The following LHX4 variants were observed in gnomAD, a reference collection of about 807,000 sequenced individuals.
The protein encoded by LHX4 is LIM/homeobox protein Lhx4.
Under a neutral mutation model 39.2 loss-of-function variants are expected in LHX4, and 16 were observed. The observed-to-expected ratio is 0.41, with a 90% CI of 0.28 to 0.62. The LOEUF is 0.62. Ranked by LOEUF, LHX4 falls within the 20% of genes least tolerant of loss-of-function variation. LHX4 has a pLI of 0.33. For missense variants in LHX4, 439 were observed against 511.9 expected, an observed-to-expected ratio of 0.86 and a Z score of 1.37; for synonymous variants, 206 against 198.1, an observed-to-expected ratio of 1.04 and a Z score of -0.33.
At chr1:180,239,819 T>G (rs1317157310) in intron 1 of LHX4, among the ~76,000 whole-genome samples, 2 of 152,176 alleles carry the variant, frequency 1.3e-5, no homozygotes, top group African/African-American at 4.8e-5. Flanking sequence ...GGAGTGCTGG[T>G]GGTCTTAAGG....
At chr1:180,254,995 T>C (rs1005433469) in intron 2 of LHX4, among the ~76,000 whole-genome samples, 1 of 152,152 alleles carries the variant, frequency 6.6e-6, no homozygotes, top group African/African-American at 2.4e-5. Flanking sequence ...GGTCAGGGGA[T>C]TGAACAAAGG....
chr1:180,262,078 T>C (rs1446016866), intron 2 of LHX4, among the ~76,000 whole-genome samples: 1 of 152,182 alleles, frequency 6.6e-6, no homozygotes, highest in Non-Finnish European at 1.5e-5. Context: ...CTTGGCCATC[T>C]AGCATTCCAT....
chr1:180,256,034 G>A (rs545852154), intron 2 of LHX4, among the ~76,000 whole-genome samples: 1 of 152,328 alleles, frequency 6.6e-6, no homozygotes, highest in African/African-American at 2.4e-5. Context: ...GCTGAAGATC[G>A]GTTTCCTCTC....
At position 180,254,024 on chromosome 1, in the gene LHX4, T is replaced by C. The variant is rs141694060; in HGVS notation, c.248+5568T>C. The stretch of plus-strand genomic sequence containing the variant: ...AGTGAAAACAAACAGAGCTGTGGAA[T>C]TGAAGCGAGGGCAACGTTCCTACAC... On this transcript the variant is annotated intron_variant, in intron 2 of 5. Transcript: ENST00000263726. Among the ~76,000 whole-genome samples, 302 of 152,286 alleles carry C rather than the reference T, an allele frequency of 2.0e-3. No homozygotes were observed. The Middle Eastern group carries it at 0.02, about 10-fold the overall frequency.
Position 180,274,240 on chromosome 1 carries a change from G to C in LHX4, c.834G>C (p.Gly278=), listed in dbSNP as rs1193595209. 2 of 1,614,206 alleles carry C rather than the reference G, an allele frequency of 1.2e-6. No individual in the cohort carries two copies. ...CCAATAGGATTTATGGCAACGTGGG[G>C]GACGTTACAGGCGGACAGTTAATGA... ...GHTNRIYGNV[G]DVTGGQLMNG... The change falls in exon 6 of 6, where the codon GGG becomes GGC. Residue 278 remains glycine (G), a synonymous_variant. Coordinates refer to ENST00000263726, the MANE Select transcript of LHX4 (RefSeq NM_033343.4).
intron 1 of LHX4, among the ~76,000 whole-genome samples, chr1:180,244,123 T>G (rs1412169426): frequency 6.6e-6 from 1 of 152,198 alleles, no homozygotes; most frequent in East Asian, 1.9e-4. Context: ...TAATACACAC[T>G]CAAGCCCTGA....
At chr1:180,264,931 T>G (rs933771607) in intron 2 of LHX4, among the ~76,000 whole-genome samples, 8 of 152,176 alleles carry the variant, frequency 5.3e-5, no homozygotes, top group Non-Finnish European at 1.2e-4. Flanking sequence ...GGATTACCCA[T>G]GCAGACTTAG....
chr1:180,268,048 G>A (rs1648401143), intron 3 of LHX4, among the ~76,000 whole-genome samples: 5 of 152,170 alleles, frequency 3.3e-5, no homozygotes, highest in Admixed American at 3.3e-4. Flanking sequence ...TGGGGCCTCT[G>A]CAAACCCATC....
intron 1 of LHX4, among the ~76,000 whole-genome samples, chr1:180,231,208 T>TTCCA (rs1191099157): frequency 6.6e-6 from 1 of 151,800 alleles, no homozygotes; most frequent in Admixed American, 6.5e-5. Context: ...TGCTCGCGCA[T>TTCCA]TCCAGCTAGC....
Position 180,255,666 on chromosome 1 carries a change from G to A in LHX4, c.248+7210G>A, listed in dbSNP as rs1033923034. Reference sequence around the variant, plus strand: ...TAATCAAGGCAGAAGCAATTACTTAGCCCCGAAGCTCCCCCAGGGACCGAG... The same window carrying A: ...TAATCAAGGCAGAAGCAATTACTTAACCCCGAAGCTCCCCCAGGGACCGAG... On this transcript the variant is annotated intron_variant, in intron 2 of 5. Transcript: ENST00000263726. Among the ~76,000 whole-genome samples the A allele has an allele frequency of 2.0e-5, 3 of 152,344 alleles. No homozygotes were observed. In the South Asian group the frequency reaches 6.2e-4, roughly 32 times the overall value.
intron 2 of LHX4, chr1:180,248,685 G>T (rs1022224846): frequency 2.6e-5 from 15 of 587,056 alleles, no homozygotes; most frequent in Non-Finnish European, 4.3e-5. Context: ...TCTGCATGGG[G>T]CAGGGGTGAG....
intron 2 of LHX4, among the ~76,000 whole-genome samples, chr1:180,251,139 G>T (rs925612301): frequency 5.3e-5 from 8 of 152,212 alleles, no homozygotes; most frequent in African/African-American, 1.7e-4. Context: ...CCCAGGCCAG[G>T]GCCTGCCCCT....
intron 2 of LHX4, among the ~76,000 whole-genome samples, chr1:180,264,730 G>A (rs1254542514): frequency 6.6e-6 from 1 of 152,130 alleles, no homozygotes; most frequent in Non-Finnish European, 1.5e-5. Flanking sequence ...TGGTTTACAG[G>A]CCTATGCTGA....
At chr1:180,261,150 G>C (rs1333363545) in intron 2 of LHX4, among the ~76,000 whole-genome samples, 3 of 151,780 alleles carry the variant, frequency 2.0e-5, no homozygotes, top group Non-Finnish European at 4.4e-5. Context: ...CCAGTGCTTT[G>C]GGGGCCAAGA....
intron 1 of LHX4, among the ~76,000 whole-genome samples, chr1:180,231,995 T>A (rs12752192): frequency 0.36 from 54,128 of 151,978 alleles, 9,977 homozygotes; most frequent in Non-Finnish European, 0.41. Context: ...CTGCCGGCAA[T>A]CAGTTCCACG....
intron 2 of LHX4, among the ~76,000 whole-genome samples, chr1:180,263,734 G>GT (rs1648202369): frequency 6.6e-6 from 1 of 152,150 alleles, no homozygotes; most frequent in Non-Finnish European, 1.5e-5. Context: ...TATCTTTCAT[G>GT]TCTCTGGTGT....
At chr1:180,244,042 C>T (rs372146030) in intron 1 of LHX4, among the ~76,000 whole-genome samples, 70 of 152,258 alleles carry the variant, frequency 4.6e-4, no homozygotes, top group African/African-American at 1.5e-3. Flanking sequence ...CCTGATCTCG[C>T]GAAGGCTCAG....
chr1:180,229,606 T>G (rs981591865), upstream of LHX4, among the ~76,000 whole-genome samples: 2 of 151,598 alleles, frequency 1.3e-5, no homozygotes, highest in African/African-American at 2.4e-5. Context: ...AGGAAAGGAA[T>G]TGGCCAGGGG....
intron 1 of LHX4, among the ~76,000 whole-genome samples, chr1:180,243,023 C>G (rs543113421): frequency 1.7e-4 from 26 of 152,206 alleles, no homozygotes; most frequent in African/African-American, 6.3e-4. Flanking sequence ...TTTTTTTGCT[C>G]TGTCATCCAG....
Sources: gnomAD v4.1 joint callset for allele counts (sites outside exome capture counted in the v4.1 genomes callset) on GRCh38, gnomAD v4.1.1 for gene constraint, MANE v1.5 for transcripts, NCBI Gene and HGNC (gene_info 2026-07-23, HGNC 2026-07-21) for gene names.